Variants in GPR158 observed in about 807,000 individuals in gnomAD.
GPR158 encodes the protein G protein-coupled receptor 158.
In GPR158, 30 loss-of-function variants were observed where a neutral mutation model predicts 78.2. That is an observed-to-expected ratio of 0.38 (90% confidence interval 0.29 to 0.52). GPR158 has a LOEUF of 0.52. GPR158 is among the 20% of genes least tolerant of loss of function. The probability of loss-of-function intolerance (pLI) is 0.83; values close to 1 mark genes in which losing one functional copy is unlikely to be tolerated. For synonymous variants in GPR158, 581 were observed against 591.1 expected, an observed-to-expected ratio of 0.98 and a Z score of 0.25; for missense variants, 1,463 against 1,523.5, an observed-to-expected ratio of 0.96 and a Z score of 0.66.
chr10:25,319,377 A>AT (rs1173460090), intron 2 of GPR158, among the ~76,000 whole-genome samples: 5 of 151,834 alleles, frequency 3.3e-5, no homozygotes, highest in African/African-American at 4.8e-5. Flanking sequence ...GCCATGTCTT[A>AT]TTTTTTTTGT....
At chr10:25,425,531 A>T (rs1372657857) in intron 4 of GPR158, among the ~76,000 whole-genome samples, 1 of 151,954 alleles carries the variant, frequency 6.6e-6, no homozygotes, top group African/African-American at 2.4e-5. Flanking sequence ...AAGCAAAAGC[A>T]ACAAAAATGA....
chr10:25,243,118 C>T (rs867051465), intron 2 of GPR158, among the ~76,000 whole-genome samples: 2 of 152,252 alleles, frequency 1.3e-5, no homozygotes, highest in African/African-American at 4.8e-5. Flanking sequence ...TGCACGGATT[C>T]TAGCTAATTT....
rs117148835 is a variant in GPR158, at chr10:25,546,866, G to T, written c.1405-4110G>T. 2.2e-3 allele frequency among the ~76,000 whole-genome samples: 328 copies of T among 152,286 alleles called. 7 individuals carry two copies. The East Asian group carries it at 0.051, about 24-fold the overall frequency. On this transcript the variant is annotated intron_variant, in intron 5 of 10. Coordinates refer to ENST00000376351, the MANE Select transcript of GPR158 (RefSeq NM_020752.3). ...AAAGCCAGGTACAAGTGAGCCGGGGGTTGTGCAAGGAATATCTAGTCAGAA... is the reference window on the plus strand; with the variant it reads ...AAAGCCAGGTACAAGTGAGCCGGGGTTTGTGCAAGGAATATCTAGTCAGAA...
At chr10:25,542,208 A>G (rs1193551208) in intron 5 of GPR158, among the ~76,000 whole-genome samples, 1 of 152,116 alleles carries the variant, frequency 6.6e-6, no homozygotes, top group Non-Finnish European at 1.5e-5. Context: ...TTACCTGTCA[A>G]AGTGGTTAAA....
intron 4 of GPR158, among the ~76,000 whole-genome samples, chr10:25,415,421 T>C (rs771193302): frequency 2.6e-5 from 4 of 152,012 alleles, no homozygotes; most frequent in African/African-American, 4.8e-5. Context: ...ATGAAAAGAT[T>C]ACCAACACAT....
intron 4 of GPR158, 147 bp downstream of exon 4, chr10:25,412,620 T>C (rs1834607500): frequency 8.1e-6 from 5 of 620,246 alleles, no homozygotes; most frequent in Non-Finnish European, 5.7e-6. Context: ...AAAGTTATAT[T>C]CTTTAGCTGA....
intron 2 of GPR158, among the ~76,000 whole-genome samples, chr10:25,337,410 A>T (rs1033420265): frequency 7.9e-5 from 12 of 151,980 alleles, no homozygotes; most frequent in Admixed American, 7.9e-4. Flanking sequence ...TGTAACATGC[A>T]CCCTTTTGTG....
At chr10:25,536,226 A>G (rs1272627554) in intron 5 of GPR158, among the ~76,000 whole-genome samples, 1 of 152,116 alleles carries the variant, frequency 6.6e-6, no homozygotes, top group African/African-American at 2.4e-5. Context: ...CTTTAATATT[A>G]AAGATATTAA....
At chr10:25,383,106 A>T (rs1391660321) in intron 2 of GPR158, among the ~76,000 whole-genome samples, 3 of 152,168 alleles carry the variant, frequency 2.0e-5, no homozygotes, top group Non-Finnish European at 2.9e-5. Flanking sequence ...AAGTGCTGGG[A>T]TTACAGGCAT....
intron 1 of GPR158, among the ~76,000 whole-genome samples, chr10:25,188,981 A>G (rs977409162): frequency 2.0e-5 from 3 of 152,234 alleles, no homozygotes; most frequent in Admixed American, 2.0e-4. Context: ...AAGGACATGA[A>G]TGGACCCTTC....
intron 3 of GPR158, among the ~76,000 whole-genome samples, chr10:25,405,864 A>G (rs891104138): frequency 2.0e-5 from 3 of 152,140 alleles, no homozygotes; most frequent in African/African-American, 7.2e-5. Context: ...AGCCTTTAAC[A>G]TCATGATTAG....
chr10:25,598,661 A>G lies in GPR158; in HGVS notation c.3035A>G (p.Tyr1012Cys), dbSNP rs1482010860. 3.1e-6 allele frequency: 5 copies of G among 1,613,974 alleles called. No homozygotes were observed. The highest frequency in any genetic ancestry group is 4.2e-6 in the Non-Finnish European group (5 of 1,180,016). Reference protein sequence around the residue: ...DIGEVCPWEVYDLTPGPVPSE... With the variant: ...DIGEVCPWEVCDLTPGPVPSE... ...GGGGAGGTGTGTCCTTGGGAGGTTT[A>G]TGACCTGACCCCTGGTCCTGTGCCT... Residue 1012 changes from tyrosine (Y) to cysteine (C), a missense_variant, in exon 11 of 11, where the codon TAT becomes TGT. By Grantham distance (194) the Tyr-to-Cys change is radical. Transcript: ENST00000376351.
intron 1 of GPR158, among the ~76,000 whole-genome samples, chr10:25,201,740 G>T (rs1380323721): frequency 1.3e-5 from 2 of 151,174 alleles, no homozygotes; most frequent in Non-Finnish European, 3.0e-5. Context: ...AGATGATCCT[G>T]TTTTTTTTTA....
Position 25,470,582 on chromosome 10 carries a change from T to A in GPR158, c.1404+3863T>A, listed in dbSNP as rs181191563. On this transcript the variant is annotated intron_variant, in intron 5 of 10. Transcript: ENST00000376351. ...CAGTATTAATTTTTTCATAAAGTCATCCATATTAAGTTTTCTAATTTTCTA... is the reference window on the plus strand; with the variant it reads ...CAGTATTAATTTTTTCATAAAGTCAACCATATTAAGTTTTCTAATTTTCTA... 2.0e-5 allele frequency among the ~76,000 whole-genome samples: 3 copies of A among 152,306 alleles called. No homozygotes were observed. The East Asian group carries it at 5.8e-4, about 29-fold the overall frequency.
Position 25,466,680 on chromosome 10 carries a change from G to A in GPR158, c.1365G>A (p.Leu455=), listed in dbSNP as rs1835428215. ...KSIRASGLIL[L]ETILFGSLLL... is the part of the protein sequence containing the mutation. ...TCCGGGCATCGGGCCTTATCCTGTT[G>A]GAAACGATCCTTTTTGGATCTCTGC... is the stretch of plus-strand genomic sequence containing the variant. The change falls in exon 5 of 11, where the codon TTG becomes TTA. Residue 455 remains leucine (L), a synonymous_variant. Transcript: ENST00000376351. The A allele has an allele frequency of 6.2e-7, 1 of 1,606,846 alleles. No homozygotes were observed. The highest frequency in any genetic ancestry group is 8.5e-7 in the Non-Finnish European group (1 of 1,175,766).
chr10:25,326,291 C>T (rs756450522), intron 2 of GPR158, among the ~76,000 whole-genome samples: 1 of 152,114 alleles, frequency 6.6e-6, no homozygotes, highest in Non-Finnish European at 1.5e-5. Context: ...GATATTATTC[C>T]TTTTTATGGC....
intron 5 of GPR158, among the ~76,000 whole-genome samples, chr10:25,520,483 T>G (rs906633991): frequency 1.3e-5 from 2 of 150,268 alleles, no homozygotes; most frequent in Non-Finnish European, 2.9e-5. Context: ...TTCTGTTCTG[T>G]TTTTTCCCCA....
chr10:25,300,777 A>G (rs1854580444), intron 2 of GPR158, among the ~76,000 whole-genome samples: 1 of 152,160 alleles, frequency 6.6e-6, no homozygotes, highest in African/African-American at 2.4e-5. Context: ...TTAAATCACC[A>G]GGTGACCCCC....
intron 2 of GPR158, among the ~76,000 whole-genome samples, chr10:25,365,635 T>C (rs1294943299): frequency 6.6e-6 from 1 of 151,740 alleles, no homozygotes; most frequent in Non-Finnish European, 1.5e-5. Flanking sequence ...CAAAATATTC[T>C]GATTCTATCA....
Sources: allele counts gnomAD v4.1 joint callset (sites outside exome capture counted in the v4.1 genomes callset), GRCh38; gene constraint gnomAD v4.1.1; transcripts MANE v1.5; gene names NCBI Gene and HGNC (gene_info 2026-07-23, HGNC 2026-07-21).